Variants in NLK observed in about 807,000 individuals in gnomAD.
The protein encoded by NLK is serine/threonine-protein kinase NLK.
In NLK, 11 loss-of-function variants were observed where a neutral mutation model predicts 59.0. The observed-to-expected ratio is 0.19, with a 90% CI of 0.12 to 0.31. The LOEUF is 0.31. NLK is among the 10% of genes least tolerant of loss of function. NLK has a pLI of 1.00. For missense variants in NLK, 410 were observed against 661.1 expected, an observed-to-expected ratio of 0.62 and a Z score of 4.16; for synonymous variants, 235 against 235.9, an observed-to-expected ratio of 1.00 and a Z score of 0.03.
chr17:28,092,714 G>A (rs1904539858), intron 1 of NLK, among the ~76,000 whole-genome samples: 1 of 151,910 alleles, frequency 6.6e-6, no homozygotes, highest in Non-Finnish European at 1.5e-5. Flanking sequence ...ATCCTGCCTC[G>A]AAGTAGAAAG....
At chr17:28,160,198 G>A (rs900873813) in intron 3 of NLK, among the ~76,000 whole-genome samples, 1 of 152,276 alleles carries the variant, frequency 6.6e-6, no homozygotes. Context: ...GCATTTCAAC[G>A]TACAATGATT....
chr17:28,126,818 A>G (rs931664919), intron 2 of NLK, among the ~76,000 whole-genome samples: 1 of 152,196 alleles, frequency 6.6e-6, no homozygotes, highest in Non-Finnish European at 1.5e-5. Flanking sequence ...ACTAGTATCT[A>G]TCTGAGCTTT....
At chr17:28,146,903 G>A (rs1034538213) in intron 3 of NLK, among the ~76,000 whole-genome samples, 1 of 152,134 alleles carries the variant, frequency 6.6e-6, no homozygotes, top group African/African-American at 2.4e-5. Flanking sequence ...CCCATAATGG[G>A]ACTTACTTCT....
Position 28,194,730 on chromosome 17 carries a change from A to G in NLK, c.*94A>G. ...GGAGGTTAATCATGCTTGTACTGTA[A>G]TTTTACTAATGAAGTTTTAAATTAA... On this transcript the variant is annotated 3_prime_UTR_variant, in exon 11 of 11. Transcript: ENST00000407008. The G allele has an allele frequency of 1.4e-6, 1 of 702,506 alleles. No individual in the cohort carries two copies. Among genetic ancestry groups the G allele is most frequent in the Non-Finnish European group, 2.3e-6 (1 of 436,948 alleles). 43.5% of individuals were successfully genotyped at this position (702,506 alleles called of 1,614,324 possible).
intron 3 of NLK, among the ~76,000 whole-genome samples, chr17:28,158,832 T>C (rs1907890439): frequency 6.6e-6 from 1 of 152,100 alleles, no homozygotes; most frequent in Non-Finnish European, 1.5e-5. Context: ...GAGTTGCTTT[T>C]TTACTTTTTA....
rs573318791 is a variant in NLK at position 28,166,349 on chromosome 17, G to C, written c.838-2099G>C. Among the ~76,000 whole-genome samples the C allele has an allele frequency of 7.0e-4, 107 of 152,262 alleles. 2 individuals are homozygous for C. The highest frequency in any genetic ancestry group is 3.5e-3 in the South Asian group (17 of 4,820). ...GTTGTAAAGATGGTGGCTTCATACT[G>C]ATTCATTCCCACATACACATCTGAA... On this transcript the variant is annotated intron_variant, in intron 5 of 10. Coordinates refer to ENST00000407008, the MANE Select transcript of NLK (RefSeq NM_016231.5).
rs191405700 is a variant in NLK at position 28,175,288 on chromosome 17, A to T, written c.1149+2670A>T. Among the ~76,000 whole-genome samples, 938 of 151,642 alleles carry T rather than the reference A, an allele frequency of 6.2e-3. 11 individuals carry two copies. Among genetic ancestry groups the T allele is most frequent in the African/African-American group, 0.022 (908 of 41,212 alleles). On this transcript the variant is annotated intron_variant, in intron 7 of 10. Coordinates refer to ENST00000407008, the MANE Select transcript of NLK (RefSeq NM_016231.5). ...GTGAAACCCCGTCTCTACTAAAAAA[A>T]TACAAAAAAAAAAAATTTAGCCAGG... is the stretch of plus-strand genomic sequence containing the variant.
intron 1 of NLK, among the ~76,000 whole-genome samples, chr17:28,109,285 T>C (rs1392169354): frequency 6.6e-6 from 1 of 152,132 alleles, no homozygotes; most frequent in African/African-American, 2.4e-5. Context: ...TCAAAGGGGA[T>C]AGAAGGAAAC....
intron 1 of NLK, among the ~76,000 whole-genome samples, chr17:28,084,748 G>A (rs1332881166): frequency 1.3e-5 from 2 of 152,162 alleles, no homozygotes; most frequent in Admixed American, 6.5e-5. Context: ...ATTTTTAGTA[G>A]AGATGGGGTT....
At chr17:28,153,913 A>G (rs143492570) in intron 3 of NLK, among the ~76,000 whole-genome samples, 2 of 152,320 alleles carry the variant, frequency 1.3e-5, no homozygotes, top group Non-Finnish European at 1.5e-5. Context: ...TTGTCACCCT[A>G]GTAGAAAATT....
chr17:28,196,472 CTATTTA>C (rs1201581748), downstream of NLK: 4 of 152,252 alleles, frequency 2.6e-5, no homozygotes, highest in Non-Finnish European at 5.9e-5. Context: ...GAGACACTTC[CTATTTA>C]TATTTCCACT....
At chr17:28,137,808 A>T (rs1252160217) in intron 3 of NLK, among the ~76,000 whole-genome samples, 1 of 152,178 alleles carries the variant, frequency 6.6e-6, no homozygotes, top group Non-Finnish European at 1.5e-5. Context: ...ATCTGCCTAC[A>T]GGGTTCAACA....
chr17:28,111,189 G>T (rs937209729), intron 1 of NLK, among the ~76,000 whole-genome samples: 1 of 151,406 alleles, frequency 6.6e-6, no homozygotes, highest in African/African-American at 2.4e-5. Context: ...CTGTTTGTTC[G>T]TTTGTTTGTT....
chr17:28,203,164 T>TACACACACACACACACAC, the NLK span, among the ~76,000 whole-genome samples: 450 of 137,008 alleles, frequency 3.3e-3, 8 homozygotes, highest in African/African-American at 8.9e-3. Context: ...TATACATACA[T>TACACACACACACACACAC]ACACACACAC....
At chr17:28,053,727 T>G (rs2142738195) in intron 1 of NLK, among the ~76,000 whole-genome samples, 1 of 152,348 alleles carries the variant, frequency 6.6e-6, no homozygotes, top group Admixed American at 6.5e-5. Context: ...TTGACCCAGA[T>G]TGCAGCTTTT....
At chr17:28,178,546 T>C (rs529234914) in intron 7 of NLK, among the ~76,000 whole-genome samples, 32 of 152,378 alleles carry the variant, frequency 2.1e-4, no homozygotes, top group African/African-American at 7.5e-4. Context: ...AAAAGTCTAT[T>C]GTCAGCTCTT....
chr17:28,190,484 T>C (rs1387961413), intron 8 of NLK, among the ~76,000 whole-genome samples: 1 of 152,130 alleles, frequency 6.6e-6, no homozygotes, highest in Admixed American at 6.5e-5. Flanking sequence ...ACTAGACTTC[T>C]GATATTCAGA....
At chr17:28,199,325 C>T (rs558537173), downstream of NLK, among the ~76,000 whole-genome samples, 1 of 152,046 alleles carries the variant, frequency 6.6e-6, no homozygotes, top group Non-Finnish European at 1.5e-5. Context: ...ACACCAGGCA[C>T]AGTGGTGTGT....
At chr17:28,167,171 C>T (rs536657643) in intron 5 of NLK, among the ~76,000 whole-genome samples, 1 of 152,238 alleles carries the variant, frequency 6.6e-6, no homozygotes, top group East Asian at 1.9e-4. Flanking sequence ...AAGATACACC[C>T]CTTTATCTTA....
Sources: gnomAD v4.1 joint callset for allele counts (sites outside exome capture counted in the v4.1 genomes callset) on GRCh38, gnomAD v4.1.1 for gene constraint, MANE v1.5 for transcripts, NCBI Gene and HGNC (gene_info 2026-07-23, HGNC 2026-07-21) for gene names.